Variants in PRKCE observed in about 807,000 individuals in gnomAD.
PRKCE encodes protein kinase C epsilon.
In PRKCE, 16 loss-of-function variants were observed where a neutral mutation model predicts 85.4. The ratio of observed to expected loss-of-function variants is 0.19; its 90% CI spans 0.13 to 0.28. The LOEUF (loss-of-function observed/expected upper bound fraction) is 0.28, where lower values mean the gene tolerates loss of function less well. Among genes scored for constraint, PRKCE ranks in the 10% least tolerant of loss-of-function variants. The pLI, the probability that PRKCE is intolerant of heterozygous loss-of-function variation, is 1.00. For missense variants in PRKCE, 573 were observed against 975.2 expected (o/e 0.59, Z 5.49); for synonymous variants, 388 against 371.5 (o/e 1.04, Z -0.51).
At chr2:46,164,541 G>C (rs1678128176) in intron 14 of PRKCE, among the ~76,000 whole-genome samples, 1 of 152,192 alleles carries the variant, frequency 6.6e-6, no homozygotes, top group Admixed American at 6.5e-5. Context: ...CCAGAAACCT[G>C]AATTACCCCA....
chr2:45,875,131 G>T (rs913932628), intron 2 of PRKCE, among the ~76,000 whole-genome samples: 1 of 152,144 alleles, frequency 6.6e-6, no homozygotes, highest in African/African-American at 2.4e-5. Flanking sequence ...AATGGTATGG[G>T]CATGAGTGAC....
Position 45,716,839 on chromosome 2 carries a change from C to T in PRKCE, c.348+64391C>T, listed in dbSNP as rs138307888. On this transcript the variant is annotated intron_variant, in intron 1 of 14. Coordinates refer to ENST00000306156, the MANE Select transcript of PRKCE (RefSeq NM_005400.3). ...GACCTCAGGAAACTTACAATCATGG[C>T]GGAAGAGGAAGCAAATACATCCTTC... 5.9e-5 allele frequency among the ~76,000 whole-genome samples: 9 copies of T among 152,070 alleles called. 1 individual carries two copies. Among genetic ancestry groups the T allele is most frequent in the South Asian group, 4.2e-4 (2 of 4,808 alleles).
chr2:45,987,714 T>G (rs1446108665), intron 6 of PRKCE, among the ~76,000 whole-genome samples: 2 of 152,224 alleles, frequency 1.3e-5, no homozygotes, highest in Non-Finnish European at 2.9e-5. Flanking sequence ...GTGTTGAGCA[T>G]TCTGTGGATT....
At chr2:45,861,515 A>G (rs1028598253) in intron 2 of PRKCE, among the ~76,000 whole-genome samples, 1 of 152,198 alleles carries the variant, frequency 6.6e-6, no homozygotes, top group South Asian at 2.1e-4. Context: ...TAGAGTAGAA[A>G]TGCCCTTAGC....
chr2:45,831,194 G>T (rs1181079434), intron 1 of PRKCE, among the ~76,000 whole-genome samples: 1 of 152,242 alleles, frequency 6.6e-6, no homozygotes, highest in Non-Finnish European at 1.5e-5. Flanking sequence ...TAGCCATTGA[G>T]TGGCATGTGA....
At chr2:45,836,040 A>G (rs570459084) in intron 1 of PRKCE, among the ~76,000 whole-genome samples, 2 of 152,300 alleles carry the variant, frequency 1.3e-5, no homozygotes, top group South Asian at 2.1e-4. Context: ...TGTATAGTAG[A>G]TGGCTTCCCC....
Position 45,693,912 on chromosome 2 carries a change from T to G in PRKCE, c.348+41464T>G, listed in dbSNP as rs569036218. ...TAGGATCCATAGCAGGGAGAGAAGT[T>G]TGACTGAGACTTAAGGGAAGTTAGG... On this transcript the variant is annotated intron_variant, in intron 1 of 14. Transcript: ENST00000306156. 9.0e-4 allele frequency among the ~76,000 whole-genome samples: 137 copies of G among 151,848 alleles called. 1 individual carries two copies. Among genetic ancestry groups the G allele is most frequent in the African/African-American group, 2.9e-3 (121 of 41,386 alleles).
intron 8 of PRKCE, among the ~76,000 whole-genome samples, chr2:46,005,468 A>G (rs1298220329): frequency 6.6e-6 from 1 of 152,100 alleles, no homozygotes; most frequent in Non-Finnish European, 1.5e-5. Flanking sequence ...TCCTAATTTT[A>G]TGCCCATACC....
intron 2 of PRKCE, among the ~76,000 whole-genome samples, chr2:45,847,112 G>C (rs987077467): frequency 1.3e-5 from 2 of 152,238 alleles, no homozygotes; most frequent in African/African-American, 2.4e-5. Flanking sequence ...GCACAGTTCA[G>C]GCCTTGCCTC....
chr2:46,123,374 G>T (rs1295449803), intron 11 of PRKCE, among the ~76,000 whole-genome samples: 1 of 151,978 alleles, frequency 6.6e-6, no homozygotes, highest in Non-Finnish European at 1.5e-5. Flanking sequence ...AGGATCATTT[G>T]GGGGAAGTCA....
chr2:45,820,257 A>G (rs1689421988), intron 1 of PRKCE, among the ~76,000 whole-genome samples: 1 of 152,160 alleles, frequency 6.6e-6, no homozygotes, highest in Non-Finnish European at 1.5e-5. Flanking sequence ...GAACACTGCC[A>G]GGCACTTGAG....
chr2:45,975,724 G>T (rs1034164821), intron 2 of PRKCE, among the ~76,000 whole-genome samples: 2 of 152,276 alleles, frequency 1.3e-5, no homozygotes, highest in South Asian at 4.1e-4. Flanking sequence ...CTCAGAACTG[G>T]AGGGAAGGAA....
chr2:45,987,591 T>C (rs905826682), intron 6 of PRKCE, among the ~76,000 whole-genome samples: 1 of 151,018 alleles, frequency 6.6e-6, no homozygotes, highest in Non-Finnish European at 1.5e-5. Context: ...CCAACACACA[T>C]GGCCTCCCCC....
intron 1 of PRKCE, among the ~76,000 whole-genome samples, chr2:45,665,548 A>T (rs1214973817): frequency 6.6e-6 from 1 of 152,162 alleles, no homozygotes; most frequent in Non-Finnish European, 1.5e-5. Context: ...TGAAGTAGAA[A>T]AAAAAGTTTC....
intron 2 of PRKCE, among the ~76,000 whole-genome samples, chr2:45,884,367 C>T (rs1695088467): frequency 2.6e-5 from 4 of 152,188 alleles, no homozygotes; most frequent in Admixed American, 6.5e-5. Flanking sequence ...CAGAAGTGAC[C>T]TGTCCAGGGT....
chr2:45,943,884 T>C (rs1333939172), intron 2 of PRKCE, among the ~76,000 whole-genome samples: 22 of 152,204 alleles, frequency 1.4e-4, no homozygotes, highest in Admixed American at 1.4e-3. Context: ...CCAGTCTAGA[T>C]CATCAACGCA....
At chr2:45,923,339 G>A (rs114442896) in intron 2 of PRKCE, among the ~76,000 whole-genome samples, 1,585 of 152,330 alleles carry the variant, frequency 0.01, 10 homozygotes, top group Middle Eastern at 0.024. Context: ...CAGGCATTCT[G>A]CTAACAAGCG....
intron 14 of PRKCE, among the ~76,000 whole-genome samples, chr2:46,175,245 C>G (rs1021409333): frequency 2.0e-5 from 3 of 152,118 alleles, no homozygotes; most frequent in Non-Finnish European, 2.9e-5. Flanking sequence ...CTATTTGCCT[C>G]CAGTGAAAAC....
At chr2:45,822,560 C>G (rs1689622687) in intron 1 of PRKCE, among the ~76,000 whole-genome samples, 1 of 152,234 alleles carries the variant, frequency 6.6e-6, no homozygotes, top group African/African-American at 2.4e-5. Flanking sequence ...TTCCTTGTGC[C>G]TGGGCTGGGG....
Sources: gnomAD v4.1 joint callset for allele counts (sites outside exome capture counted in the v4.1 genomes callset) on GRCh38, gnomAD v4.1.1 for gene constraint, MANE v1.5 for transcripts, NCBI Gene and HGNC (gene_info 2026-07-23, HGNC 2026-07-21) for gene names.